Variants in GRAMD1B observed in about 807,000 individuals in gnomAD.
GRAMD1B encodes protein Aster-B.
GRAMD1B carries 37 observed loss-of-function variants against 99.7 expected under a neutral mutation model. That is an observed-to-expected ratio of 0.37 (90% CI 0.29 to 0.49). GRAMD1B has a LOEUF of 0.49. Ranked by LOEUF, GRAMD1B falls within the 20% of genes least tolerant of loss-of-function variation. The pLI, the probability that GRAMD1B is intolerant of heterozygous loss-of-function variation, is 0.98. For synonymous variants in GRAMD1B, 427 were observed against 387.6 expected (o/e 1.10, Z -1.19); for missense variants, 888 against 1,009.2 (o/e 0.88, Z 1.63).
chr11:123,579,178 A>G (rs1949060890), intron 3 of GRAMD1B, among the ~76,000 whole-genome samples: 3 of 152,208 alleles, frequency 2.0e-5, no homozygotes, highest in Admixed American at 6.5e-5. Flanking sequence ...AGGAATTCTG[A>G]GGCCACAGGA....
chr11:123,462,323 G>A (rs1360299469), intron 1 of GRAMD1B, among the ~76,000 whole-genome samples: 1 of 151,260 alleles, frequency 6.6e-6, no homozygotes, highest in Non-Finnish European at 1.5e-5. Context: ...AGTGGCAGGT[G>A]CCATCCCCTG....
intron 1 of GRAMD1B, among the ~76,000 whole-genome samples, chr11:123,401,822 T>C (rs1446861022): frequency 6.6e-6 from 1 of 152,022 alleles, no homozygotes; most frequent in East Asian, 1.9e-4. Flanking sequence ...GGTGAAAGGA[T>C]AGCTTGAGCC....
chr11:123,363,737 G>A (rs1291087330), intron 1 of GRAMD1B, among the ~76,000 whole-genome samples: 1 of 152,148 alleles, frequency 6.6e-6, no homozygotes, highest in Non-Finnish European at 1.5e-5. Flanking sequence ...CACTCTATTT[G>A]TTGGCCTGGT....
chr11:123,389,359 A>G (rs1016515503), intron 1 of GRAMD1B, among the ~76,000 whole-genome samples: 2 of 151,128 alleles, frequency 1.3e-5, no homozygotes, highest in Non-Finnish European at 3.0e-5. Flanking sequence ...ACTCCAGCCT[A>G]GGTGACAGAG....
chr11:123,450,852 G>T (rs955633003), intron 1 of GRAMD1B, among the ~76,000 whole-genome samples: 1 of 152,164 alleles, frequency 6.6e-6, no homozygotes, highest in Non-Finnish European at 1.5e-5. Flanking sequence ...TTGCTCTTCT[G>T]GTGTTTGTGG....
chr11:123,406,577 TA>T (rs1345586142), intron 1 of GRAMD1B, among the ~76,000 whole-genome samples: 57 of 152,180 alleles, frequency 3.7e-4, no homozygotes, highest in Admixed American at 3.7e-3. Context: ...AAGAAATTGT[TA>T]GGGGTGAAGA....
chr11:123,517,326 G>T lies in GRAMD1B; in HGVS notation c.452+36433G>T, dbSNP rs570291354. Among the ~76,000 whole-genome samples the T allele has an allele frequency of 4.6e-5, 7 of 152,334 alleles. No homozygotes were observed. In the South Asian group the frequency reaches 1.2e-3, roughly 27 times the overall value. ...CAAAATAGGGAAAATTGGAAAATTTGTTGACATAAAGGAGAAAAAGTAGAT... is the reference window on the plus strand; with the variant it reads ...CAAAATAGGGAAAATTGGAAAATTTTTTGACATAAAGGAGAAAAAGTAGAT... On this transcript the variant is annotated intron_variant, in intron 2 of 19. Transcript: ENST00000635736.
At chr11:123,439,270 G>GT (rs1345170681) in intron 1 of GRAMD1B, among the ~76,000 whole-genome samples, 7 of 152,152 alleles carry the variant, frequency 4.6e-5, no homozygotes, top group Non-Finnish European at 1.0e-4. Context: ...TCGAATGTGG[G>GT]TTTTCCAGTG....
chr11:123,599,457 C>G lies in GRAMD1B; in HGVS notation c.970-1011C>G, dbSNP rs1951681051. ...CTGCTCCAGTATTGTCTCCATCTTC[C>G]CTTCACCACGGCCTCTCGTTGTTGC... On this transcript the variant is annotated intron_variant, in intron 7 of 19. Transcript: ENST00000635736. The G allele has an allele frequency of 1.4e-5, 9 of 636,380 alleles. No homozygotes were observed. The Admixed American group carries it at 1.7e-4, about 12-fold the overall frequency. The allele number at this position is 636,380 out of a possible 1,614,324, so 39.4% of individuals were successfully genotyped here. A position where few individuals can be genotyped will look rare whatever the true frequency, so the allele number is the denominator to read the frequency against.
intron 2 of GRAMD1B, among the ~76,000 whole-genome samples, chr11:123,530,438 C>A (rs1000101635): frequency 1.3e-5 from 2 of 152,066 alleles, no homozygotes; most frequent in East Asian, 1.9e-4. Flanking sequence ...AGTGAAGTGG[C>A]GAGATCTTGG....
At chr11:123,383,194 T>A (rs897275188) in intron 1 of GRAMD1B, among the ~76,000 whole-genome samples, 2 of 132,960 alleles carry the variant, frequency 1.5e-5, no homozygotes, top group Non-Finnish European at 3.1e-5. Flanking sequence ...TGCTTCCTAC[T>A]TCAGAGTCTT....
At chr11:123,480,005 T>G (rs955151144) in intron 1 of GRAMD1B, among the ~76,000 whole-genome samples, 4 of 152,098 alleles carry the variant, frequency 2.6e-5, no homozygotes, top group African/African-American at 9.7e-5. Flanking sequence ...ATGGCTGGAG[T>G]ATTTAATAAT....
chr11:123,584,591 C>T (rs569849876), intron 4 of GRAMD1B, among the ~76,000 whole-genome samples: 20 of 152,134 alleles, frequency 1.3e-4, no homozygotes, highest in African/African-American at 3.9e-4. Context: ...AGACAAGGGT[C>T]TGTCAACCCT....
chr11:123,481,611 C>T (rs1951613893), intron 2 of GRAMD1B, among the ~76,000 whole-genome samples: 1 of 152,122 alleles, frequency 6.6e-6, no homozygotes, highest in Admixed American at 6.6e-5. Context: ...TGTCAGGTGG[C>T]AGCAGCGTTA....
At chr11:123,582,297 C>A (rs943596679) in intron 3 of GRAMD1B, among the ~76,000 whole-genome samples, 1 of 152,230 alleles carries the variant, frequency 6.6e-6, no homozygotes, top group African/African-American at 2.4e-5. Flanking sequence ...CCATCCACCC[C>A]CTCCAGAAGG....
At chr11:123,453,069 A>T (rs1315914536) in intron 1 of GRAMD1B, among the ~76,000 whole-genome samples, 1 of 152,154 alleles carries the variant, frequency 6.6e-6, no homozygotes, top group East Asian at 1.9e-4. Context: ...GACTAGTTTA[A>T]GGCCTTTTTG....
chr11:123,373,809 T>C (rs2135746411), intron 1 of GRAMD1B, among the ~76,000 whole-genome samples: 1 of 152,320 alleles, frequency 6.6e-6, no homozygotes, highest in African/African-American at 2.4e-5. Context: ...CTAAACAAAA[T>C]CAGATAGGCT....
intron 2 of GRAMD1B, among the ~76,000 whole-genome samples, chr11:123,505,511 G>A (rs572974154): frequency 7.9e-5 from 12 of 152,248 alleles, no homozygotes; most frequent in Admixed American, 5.9e-4. Flanking sequence ...TAACTCTTAG[G>A]TAATATTTAT....
intron 2 of GRAMD1B, among the ~76,000 whole-genome samples, chr11:123,489,880 C>G (rs1938342603): frequency 6.6e-6 from 1 of 152,302 alleles, no homozygotes; most frequent in Admixed American, 6.5e-5. Context: ...ACAGACTGAT[C>G]AATTACGCAC....
Sources: allele counts gnomAD v4.1 joint callset (sites outside exome capture counted in the v4.1 genomes callset), GRCh38; gene constraint gnomAD v4.1.1; transcripts MANE v1.5; gene names NCBI Gene and HGNC (gene_info 2026-07-23, HGNC 2026-07-21).